The following STX11 variants were observed in gnomAD, a reference collection of about 807,000 sequenced individuals.
STX11 encodes the protein syntaxin 11.
A neutral mutation model predicts 19.9 loss-of-function variants in STX11; 21 were observed. The ratio of observed to expected loss-of-function variants is 1.06; its 90% CI spans 0.75 to 1.52. The LOEUF is 1.52. Ranked by LOEUF, STX11 falls within the 40% of genes most tolerant of loss-of-function variation. STX11 has a pLI of 0.00. For synonymous variants in STX11, 193 were observed against 174.4 expected (o/e 1.11, Z -0.84); for missense variants, 438 against 405.9 (o/e 1.08, Z -0.68).
the STX11 span, among the ~76,000 whole-genome samples, chr6:144,141,614 G>GA: frequency 6.6e-6 from 1 of 152,080 alleles, no homozygotes; most frequent in African/African-American, 2.4e-5. Flanking sequence ...ATAACAAGAT[G>GA]AAAAAAATCA....
Position 144,153,073 on chromosome 6 carries a change from A to T in STX11, c.-6+2370A>T, listed in dbSNP as rs73778537. ...CTACCGTATCACAGTTTACTGTTGC[A>T]ATTGAAATCTGCTGAGATGCTTTTG... On this transcript the variant is annotated intron_variant, in intron 1 of 1. Coordinates refer to ENST00000367568, the MANE Select transcript of STX11 (RefSeq NM_003764.4). The surrounding 1 kb of genome is among the most constrained non-coding windows in gnomAD (Gnocchi z 5.0). Among the ~76,000 whole-genome samples the T allele has an allele frequency of 2.6e-5, 4 of 152,222 alleles. No individual in the cohort carries two copies. The highest frequency in any genetic ancestry group is 9.7e-5 in the African/African-American group (4 of 41,442).
the STX11 span, among the ~76,000 whole-genome samples, chr6:144,140,237 TATATATATATATATATA>T: frequency 0.014 from 738 of 53,556 alleles, 44 homozygotes; most frequent in East Asian, 0.15. Flanking sequence ...TATATATATA[TATATATATATATATATA>T]TTTATTTATT....
rs1554291191 is a variant in STX11 at position 144,155,939 on chromosome 6, A to AATCT, written c.-6+5237_-6+5240dup. ...GCTAATTAAATGTGTTTTAAAATTT[A>AATCT]ATCTTTCTTTCTTTCTTTCTTTCTT... On this transcript the variant is annotated intron_variant, in intron 1 of 1. Coordinates refer to ENST00000367568, the MANE Select transcript of STX11 (RefSeq NM_003764.4). This position sits in a 1 kb window ranked among gnomAD's most constrained non-coding sequence, Gnocchi z 4.5. 0.015 allele frequency among the ~76,000 whole-genome samples: 1,653 copies of AATCT among 107,682 alleles called. 84 individuals are homozygous for AATCT. The highest frequency in any genetic ancestry group is 0.022 in the East Asian group (48 of 2,212). The allele number at this position is 107,682 out of a possible 152,430, so 70.6% of individuals were successfully genotyped here.
upstream of STX11, among the ~76,000 whole-genome samples, chr6:144,148,843 C>T (rs1276610574): frequency 6.6e-6 from 1 of 152,244 alleles, no homozygotes; most frequent in Admixed American, 6.5e-5. Context: ...AATCCTCTCG[C>T]TTCAGCCTCT....
At position 144,155,697 on chromosome 6, in the gene STX11, C is replaced by G. The variant is rs1801117882; in HGVS notation, c.-6+4994C>G. On this transcript the variant is annotated intron_variant, in intron 1 of 1. Coordinates refer to ENST00000367568, the MANE Select transcript of STX11 (RefSeq NM_003764.4). The surrounding 1 kb of genome is among the most constrained non-coding windows in gnomAD (Gnocchi z 4.5). ...AGTTGGGGGCTCTGTTAAGCCACCT[C>G]TAAGGCTCCTCCCCGTCCTAATAAC... 6.6e-6 allele frequency among the ~76,000 whole-genome samples: 1 copy of G among 152,170 alleles called. No individual in the cohort carries two copies. Among genetic ancestry groups the G allele is most frequent in the Non-Finnish European group, 1.5e-5 (1 of 68,024 alleles).
At position 144,174,910 on chromosome 6, in the gene STX11, G is replaced by A. The variant is rs1325677730; in HGVS notation, c.-5-11713G>A. 6.6e-6 allele frequency among the ~76,000 whole-genome samples: 1 copy of A among 152,050 alleles called. No individual in the cohort carries two copies. Among genetic ancestry groups the A allele is most frequent in the Non-Finnish European group, 1.5e-5 (1 of 67,992 alleles). ...CACTTTGGGAGGTTGAGGCAGAGGG[G>A]ATCACTTGTGCTCCAGAGTTTGAGA... On this transcript the variant is annotated intron_variant, in intron 1 of 1. Transcript: ENST00000367568. The surrounding 1 kb of genome is among the most constrained non-coding windows in gnomAD (Gnocchi z 5.3).
Position 144,186,815 on chromosome 6 carries a change from A to G in STX11, c.188A>G (p.Lys63Arg). 1 of 1,613,684 alleles carries G rather than the reference A, an allele frequency of 6.2e-7. No homozygotes were observed. Among genetic ancestry groups the G allele is most frequent in the Non-Finnish European group, 8.5e-7 (1 of 1,179,972 alleles). The change falls in exon 2 of 2, where the codon AAG (lysine) becomes AGG (arginine). Residue 63 changes from lysine to arginine, a missense_variant. By Grantham distance (26) the Lys-to-Arg change is conservative. Transcript: ENST00000367568. ...DENQLLVADV[K>R]RLGKQNARFL... ...AACCAGCTGCTGGTGGCCGACGTGA[A>G]GCGGCTGGGAAAGCAGAACGCCCGC... is the stretch of plus-strand genomic sequence containing the variant.
At chr6:144,164,888 G>A (rs1036236650) in intron 1 of STX11, among the ~76,000 whole-genome samples, 3 of 151,670 alleles carry the variant, frequency 2.0e-5, no homozygotes, top group African/African-American at 7.3e-5. Context: ...GTAGAGTTGC[G>A]GTTTCACCAT....
rs1801816264 is a variant in STX11, at chr6:144,177,956, A to C, written c.-5-8667A>C. 6.6e-6 allele frequency among the ~76,000 whole-genome samples: 1 copy of C among 152,194 alleles called. No homozygotes were observed. The highest frequency in any genetic ancestry group is 2.4e-5 in the African/African-American group (1 of 41,434). ...GTGTTGCAATGTTGGGGAAACTCTG[A>C]TATGAAGAAATTTGTGTGGGAAAGA... On this transcript the variant is annotated intron_variant, in intron 1 of 1. Transcript: ENST00000367568. The surrounding 1 kb of genome is among the most constrained non-coding windows in gnomAD (Gnocchi z 4.4).
intron 1 of STX11, among the ~76,000 whole-genome samples, chr6:144,157,960 T>G (rs1292047420): frequency 1.4e-5 from 2 of 146,350 alleles, no homozygotes; most frequent in Non-Finnish European, 3.0e-5. Context: ...TTACCAAAGA[T>G]ATTTCAGTAC....
the STX11 span, among the ~76,000 whole-genome samples, chr6:144,141,302 T>C: frequency 1.3e-5 from 2 of 152,260 alleles, no homozygotes; most frequent in Non-Finnish European, 2.9e-5. Context: ...ACTTCAGGCC[T>C]CTTACAAGTA....
rs571459927 is a variant in STX11 at position 144,152,050 on chromosome 6, G to T, written c.-6+1347G>T. 1.3e-5 allele frequency among the ~76,000 whole-genome samples: 2 copies of T among 152,218 alleles called. No individual in the cohort carries two copies. The highest frequency in any genetic ancestry group is 4.8e-5 in the African/African-American group (2 of 41,522). On this transcript the variant is annotated intron_variant, in intron 1 of 1. Transcript: ENST00000367568. This position sits in a 1 kb window ranked among gnomAD's most constrained non-coding sequence, Gnocchi z 4.9. ...CCCTGAACCTTGCTTGTACAACCATGAATAATAGGATCCTGCCGGCAAGGT... is the reference window on the plus strand; with the variant it reads ...CCCTGAACCTTGCTTGTACAACCATTAATAATAGGATCCTGCCGGCAAGGT...
Position 144,174,932 on chromosome 6 carries a change from G to A in STX11, c.-5-11691G>A, listed in dbSNP as rs1801740963. 6.6e-6 allele frequency among the ~76,000 whole-genome samples: 1 copy of A among 152,096 alleles called. No individual in the cohort carries two copies. The highest frequency in any genetic ancestry group is 1.9e-4 in the East Asian group (1 of 5,184). ...GGGGATCACTTGTGCTCCAGAGTTT[G>A]AGACCAGCCTGGGCAACAGGCAAAA... is the stretch of plus-strand genomic sequence containing the variant. On this transcript the variant is annotated intron_variant, in intron 1 of 1. Coordinates refer to ENST00000367568, the MANE Select transcript of STX11 (RefSeq NM_003764.4). The surrounding 1 kb of genome is among the most constrained non-coding windows in gnomAD (Gnocchi z 5.3).
At chr6:144,171,496 A>C (rs771777587) in intron 1 of STX11, among the ~76,000 whole-genome samples, 1 of 152,146 alleles carries the variant, frequency 6.6e-6, no homozygotes, top group South Asian at 2.1e-4. Flanking sequence ...TAGACTTGTG[A>C]TACACTTCAA....
In STX11 at chr6:144,177,726, G is replaced by C. The variant is rs930924963; in HGVS notation, c.-5-8897G>C. On this transcript the variant is annotated intron_variant, in intron 1 of 1. Coordinates refer to ENST00000367568, the MANE Select transcript of STX11 (RefSeq NM_003764.4). This position sits in a 1 kb window ranked among gnomAD's most constrained non-coding sequence, Gnocchi z 4.4. The stretch of plus-strand genomic sequence containing the variant: ...GATTGCACCACTGCACTCCAGCCTG[G>C]GTGACAGAGGGAGACTCCGTCTCAA... Among the ~76,000 whole-genome samples the C allele has an allele frequency of 6.6e-6, 1 of 152,116 alleles. No individual in the cohort carries two copies. The highest frequency in any genetic ancestry group is 2.4e-5 in the African/African-American group (1 of 41,414).
intron 1 of STX11, among the ~76,000 whole-genome samples, chr6:144,157,683 G>T (rs1323761811): frequency 1.3e-5 from 2 of 152,120 alleles, no homozygotes; most frequent in African/African-American, 4.8e-5. Context: ...CGTGGTGAGG[G>T]CAGTAGTGGT....
intron 1 of STX11, among the ~76,000 whole-genome samples, chr6:144,164,028 C>G (rs971552289): frequency 2.6e-5 from 4 of 152,204 alleles, no homozygotes; most frequent in Admixed American, 6.5e-5. Flanking sequence ...TTTAAAAGGA[C>G]TGGGACCACC....
chr6:144,187,871 A>G lies in STX11; in HGVS notation c.*380A>G. On this transcript the variant is annotated 3_prime_UTR_variant, in exon 2 of 2. Transcript: ENST00000367568. The surrounding 1 kb of genome is among the most constrained non-coding windows in gnomAD (Gnocchi z 5.6). ...AAGTCAATTGGGCATCTGCTAATAG[A>G]ATGAACTCATGATGGAAACTTCAGT... 1 of 369,344 alleles carries G rather than the reference A, an allele frequency of 2.7e-6. No homozygotes were observed. The highest frequency in any genetic ancestry group is 5.2e-6 in the Non-Finnish European group (1 of 191,460). 22.9% of individuals were successfully genotyped at this position (369,344 alleles called of 1,614,324 possible). A position where few individuals can be genotyped will look rare whatever the true frequency, so the allele number is the denominator to read the frequency against.
upstream of STX11, among the ~76,000 whole-genome samples, chr6:144,146,948 G>T (rs1377681512): frequency 6.6e-6 from 1 of 152,148 alleles, no homozygotes; most frequent in Admixed American, 6.5e-5. This position sits in a 1 kb window ranked among gnomAD's most constrained non-coding sequence, Gnocchi z 4.4. Context: ...TGGCATTTTG[G>T]ACACATTCAG....
Sources: gnomAD v4.1 joint callset for allele counts (sites outside exome capture counted in the v4.1 genomes callset) on GRCh38, gnomAD v4.1.1 for gene constraint, Gnocchi (gnomAD v3.1) non-coding constraint, MANE v1.5 for transcripts, NCBI Gene and HGNC (gene_info 2026-07-23, HGNC 2026-07-21) for gene names.